Variants in NTM observed in about 807,000 individuals in gnomAD.
NTM encodes IgLON family member 2.
In NTM, 13 loss-of-function variants were observed where a neutral mutation model predicts 42.1. That is an observed-to-expected ratio of 0.31 (90% confidence interval 0.20 to 0.49). The LOEUF (loss-of-function observed/expected upper bound fraction) is 0.49, where lower values mean the gene tolerates loss of function less well. Ranked by LOEUF, NTM falls within the 20% of genes least tolerant of loss-of-function variation. The pLI is 0.99. For missense variants in NTM, 373 were observed against 452.8 expected, an observed-to-expected ratio of 0.82 and a Z score of 1.60; for synonymous variants, 187 against 179.2, an observed-to-expected ratio of 1.04 and a Z score of -0.35.
chr11:132,271,163 C>A lies in NTM; in HGVS notation c.527-36526C>A, dbSNP rs529449995. Among the ~76,000 whole-genome samples, 29 of 152,250 alleles carry A rather than the reference C, an allele frequency of 1.9e-4. 1 individual carries two copies. Among genetic ancestry groups the A allele is most frequent in the African/African-American group, 7.0e-4 (29 of 41,554 alleles). ...TGCCTGTTCGGTTTATATCTTTTGTCTTTTGCCACTGCTTTGTTGACTTAG... is the reference window on the plus strand; with the variant it reads ...TGCCTGTTCGGTTTATATCTTTTGTATTTTGCCACTGCTTTGTTGACTTAG... On this transcript the variant is annotated intron_variant, in intron 4 of 8. Transcript: ENST00000683400.
rs1555101774 is a variant in NTM at position 131,401,826 on chromosome 11, A to ATATGTG, written c.82+30941_82+30942insGTGTAT. ...TATATATATATATATATATATATAT[A>ATATGTG]TATATATATATATATATATATATAT... On this transcript the variant is annotated intron_variant, in intron 1 of 8. Coordinates refer to ENST00000683400, the MANE Select transcript of NTM (RefSeq NM_001352005.2). Among the ~76,000 whole-genome samples, 53 of 60,550 alleles carry ATATGTG rather than the reference A, an allele frequency of 8.8e-4. 3 individuals carry two copies. Among genetic ancestry groups the ATATGTG allele is most frequent in the South Asian group, 1.3e-3 (2 of 1,542 alleles). 39.7% of individuals were successfully genotyped at this position (60,550 alleles called of 152,430 possible).
At chr11:131,374,861 G>A (rs1941748307) in intron 1 of NTM, among the ~76,000 whole-genome samples, 1 of 152,210 alleles carries the variant, frequency 6.6e-6, no homozygotes, top group Admixed American at 6.5e-5. Flanking sequence ...GATTTGTAAT[G>A]CTCTTGCCAT....
chr11:131,995,596 C>T (rs2067855693), intron 2 of NTM, among the ~76,000 whole-genome samples: 1 of 151,874 alleles, frequency 6.6e-6, no homozygotes, highest in African/African-American at 2.4e-5. Context: ...GAAGCGGGGC[C>T]AAGGCTGAGA....
chr11:132,057,157 C>T (rs1390415170), intron 2 of NTM, among the ~76,000 whole-genome samples: 1 of 152,086 alleles, frequency 6.6e-6, no homozygotes, highest in Non-Finnish European at 1.5e-5. Context: ...GCTTATCATA[C>T]TTGAGCTATC....
intron 1 of NTM, among the ~76,000 whole-genome samples, chr11:131,709,809 G>T (rs1447556548): frequency 1.3e-5 from 2 of 152,138 alleles, no homozygotes; most frequent in African/African-American, 4.8e-5. Flanking sequence ...TTCGCCCAAG[G>T]TGTGAGCCTT....
At chr11:131,473,460 G>A (rs1952638736) in intron 1 of NTM, among the ~76,000 whole-genome samples, 1 of 152,050 alleles carries the variant, frequency 6.6e-6, no homozygotes, top group African/African-American at 2.4e-5. Context: ...TCATTCATAG[G>A]GGCTCAATTT....
intron 2 of NTM, among the ~76,000 whole-genome samples, chr11:132,119,289 C>T (rs2064376396): frequency 6.6e-6 from 1 of 152,220 alleles, no homozygotes; most frequent in Non-Finnish European, 1.5e-5. Flanking sequence ...TGCACTGCTA[C>T]AGTTGGGCAA....
intron 3 of NTM, among the ~76,000 whole-genome samples, chr11:132,152,155 T>A (rs1040389802): frequency 1.3e-5 from 2 of 152,196 alleles, no homozygotes. Flanking sequence ...TCAAAGGAAA[T>A]AATGTGACCT....
chr11:131,795,575 A>G, intron 1 of NTM: 1 of 985,434 alleles, frequency 1.0e-6, no homozygotes, highest in Non-Finnish European at 1.2e-6. Flanking sequence ...GCATAACGGG[A>G]GTCCCCGCGA....
chr11:132,048,893 C>T (rs369148585), intron 2 of NTM, among the ~76,000 whole-genome samples: 1 of 148,670 alleles, frequency 6.7e-6, no homozygotes, highest in Non-Finnish European at 1.5e-5. Flanking sequence ...TATTTGTGCA[C>T]GGTGCTGGAT....
At chr11:132,016,116 G>T (rs1359951287) in intron 2 of NTM, among the ~76,000 whole-genome samples, 4 of 151,166 alleles carry the variant, frequency 2.6e-5, no homozygotes, top group East Asian at 1.9e-4. Context: ...TTTTTTTCAC[G>T]CAAGGGTGTT....
intron 2 of NTM, among the ~76,000 whole-genome samples, chr11:132,032,976 C>T (rs914207809): frequency 6.6e-6 from 1 of 152,126 alleles, no homozygotes. Context: ...TTGAGCTTGA[C>T]AGAAAGGATT....
chr11:132,323,531 T>A (rs1226384435), intron 7 of NTM, among the ~76,000 whole-genome samples: 1 of 151,694 alleles, frequency 6.6e-6, no homozygotes, highest in Non-Finnish European at 1.5e-5. Context: ...GCGGCAATAA[T>A]CAATAGCTTA....
At chr11:132,229,558 T>A (rs539942870) in intron 4 of NTM, among the ~76,000 whole-genome samples, 4 of 152,242 alleles carry the variant, frequency 2.6e-5, no homozygotes, top group Non-Finnish European at 4.4e-5. Flanking sequence ...AACAACTGTC[T>A]GCAGTTAGTA....
chr11:132,076,502 T>C (rs1364983949), intron 2 of NTM, among the ~76,000 whole-genome samples: 1 of 152,242 alleles, frequency 6.6e-6, no homozygotes, highest in Non-Finnish European at 1.5e-5. Context: ...CCTGCTTTTC[T>C]GGAGCTAACA....
At chr11:132,121,821 T>C (rs145034980) in intron 2 of NTM, among the ~76,000 whole-genome samples, 5 of 152,326 alleles carry the variant, frequency 3.3e-5, no homozygotes, top group African/African-American at 1.2e-4. Context: ...CATGTTATCA[T>C]TAGAGTTCAA....
At chr11:131,579,492 G>A (rs1039084518) in intron 1 of NTM, among the ~76,000 whole-genome samples, 5 of 152,144 alleles carry the variant, frequency 3.3e-5, no homozygotes, top group East Asian at 1.9e-4. Context: ...GAGGCCCCAC[G>A]TCGGCCTGGA....
intron 3 of NTM, among the ~76,000 whole-genome samples, chr11:132,168,903 C>T (rs2075689311): frequency 6.6e-6 from 1 of 152,170 alleles, no homozygotes; most frequent in Admixed American, 6.5e-5. Flanking sequence ...ATGTCTTAGA[C>T]ACAGAGGCTT....
At chr11:132,276,619 C>T (rs1011468602) in intron 4 of NTM, among the ~76,000 whole-genome samples, 2 of 152,208 alleles carry the variant, frequency 1.3e-5, no homozygotes, top group African/African-American at 2.4e-5. Flanking sequence ...CAGGAGGTAG[C>T]TATGTGACCA....
Sources: allele counts gnomAD v4.1 joint callset (sites outside exome capture counted in the v4.1 genomes callset), GRCh38; gene constraint gnomAD v4.1.1; transcripts MANE v1.5; gene names NCBI Gene and HGNC (gene_info 2026-07-23, HGNC 2026-07-21).